KIF25: variants seen among roughly 807,000 people sequenced by gnomAD.
The protein encoded by KIF25 is kinesin-like protein KIF25.
Under a neutral mutation model 32.9 loss-of-function variants are expected in KIF25, and 19 were observed. The ratio of observed to expected loss-of-function variants is 0.58; its 90% CI spans 0.40 to 0.85. The LOEUF (loss-of-function observed/expected upper bound fraction) is 0.85, where lower values mean the gene tolerates loss of function less well. Ranked by LOEUF, KIF25 falls within the 40% of genes least tolerant of loss-of-function variation. The probability of loss-of-function intolerance (pLI) is 0.00; values close to 1 mark genes in which losing one functional copy is unlikely to be tolerated. For missense variants in KIF25, 485 were observed against 507.0 expected (o/e 0.96, Z 0.42); for synonymous variants, 225 against 213.7 (o/e 1.05, Z -0.46).
intron 7 of KIF25, among the ~76,000 whole-genome samples, chr6:168,032,849 T>A (rs1488642040): frequency 2.0e-5 from 3 of 152,198 alleles, no homozygotes; most frequent in Admixed American, 1.3e-4. Flanking sequence ...GGGCCGGAGA[T>A]CCTGCTCTGA....
intron 8 of KIF25, among the ~76,000 whole-genome samples, chr6:168,036,912 A>T (rs1275487898): frequency 1.3e-5 from 2 of 152,146 alleles, no homozygotes. Flanking sequence ...AAATACAAAA[A>T]TTAGCCTGGT....
chr6:168,015,804 C>T (rs1798704735), intron 4 of KIF25, among the ~76,000 whole-genome samples: 1 of 152,174 alleles, frequency 6.6e-6, no homozygotes, highest in Admixed American at 6.5e-5. Flanking sequence ...ATCGAACGAT[C>T]TCACTGTGGA....
At chr6:168,019,704 T>A (rs1583132917) in intron 5 of KIF25, among the ~76,000 whole-genome samples, 1 of 152,316 alleles carries the variant, frequency 6.6e-6, no homozygotes, top group Non-Finnish European at 1.5e-5. Context: ...TGTATTTTTT[T>A]ACCACAATTA....
intron 8 of KIF25, among the ~76,000 whole-genome samples, chr6:168,035,430 CGGCGCGGCGGAGGAGGCGGGAA>C: frequency 1.5e-4 from 1 of 6,804 alleles, no homozygotes; most frequent in Non-Finnish European, 3.4e-4. Flanking sequence ...GGGGCTGGAA[CGGCGCGGCGGAGGAGGCGGGAA>C]CGGCGCTGCG....
At chr6:168,005,315 G>T (rs756028339) in intron 4 of KIF25, among the ~76,000 whole-genome samples, 24 of 152,316 alleles carry the variant, frequency 1.6e-4, no homozygotes, top group Non-Finnish European at 1.9e-4. Context: ...CATCGGATTT[G>T]TTGAATGTGG....
intron 8 of KIF25, chr6:168,036,075 C>A (rs926128664): frequency 5.4e-5 from 11 of 203,028 alleles, no homozygotes; most frequent in Non-Finnish European, 1.0e-4. Context: ...AAAAGGACTA[C>A]TCTTAGATTG....
intron 4 of KIF25, among the ~76,000 whole-genome samples, chr6:168,007,410 T>C (rs1798593823): frequency 6.6e-6 from 1 of 152,012 alleles, no homozygotes; most frequent in Admixed American, 6.6e-5. Context: ...AGACTCCATC[T>C]CAAAACAAAA....
At chr6:168,030,420 C>CTCTCCCTCCCTCCCCCTCCT in intron 6 of KIF25, 2 of 139,742 alleles carry the variant, frequency 1.4e-5, no homozygotes, top group Non-Finnish European at 3.1e-5. Context: ...CTCTCTCTCT[C>CTCTCCCTCCCTCCCCCTCCT]CCTCCCTCCC....
chr6:168,023,832 G>A (rs569329646), intron 5 of KIF25, among the ~76,000 whole-genome samples: 5 of 152,308 alleles, frequency 3.3e-5, no homozygotes, highest in South Asian at 2.1e-4. Flanking sequence ...CATGTGTCGC[G>A]ATCTGGTGCT....
intron 5 of KIF25, among the ~76,000 whole-genome samples, chr6:168,022,115 A>G (rs572053359): frequency 9.2e-5 from 14 of 152,242 alleles, no homozygotes; most frequent in South Asian, 8.3e-4. Context: ...CCTTCTATCT[A>G]TATCCTTTTA....
At chr6:168,007,044 C>G (rs908359814) in intron 4 of KIF25, among the ~76,000 whole-genome samples, 1 of 152,132 alleles carries the variant, frequency 6.6e-6, no homozygotes, top group Non-Finnish European at 1.5e-5. Context: ...TGTATACATT[C>G]GACATCTACA....
chr6:168,032,614 G>C (rs561552609), intron 7 of KIF25, among the ~76,000 whole-genome samples: 11 of 152,272 alleles, frequency 7.2e-5, no homozygotes, highest in African/African-American at 2.6e-4. Context: ...CCCAGGACTG[G>C]GCTCTGCTGC....
chr6:168,023,370 C>T (rs1329924556), intron 5 of KIF25, among the ~76,000 whole-genome samples: 1 of 150,406 alleles, frequency 6.6e-6, no homozygotes. Flanking sequence ...TGGGTTCGAG[C>T]GATTCTCCTG....
At chr6:168,018,703 T>G (rs1747899706) in intron 5 of KIF25, among the ~76,000 whole-genome samples, 1 of 152,188 alleles carries the variant, frequency 6.6e-6, no homozygotes, top group African/African-American at 2.4e-5. Flanking sequence ...GCGCGTGGCC[T>G]TTGGAAAGCC....
chr6:168,011,908 G>T (rs1285742853), intron 4 of KIF25, among the ~76,000 whole-genome samples: 3 of 151,992 alleles, frequency 2.0e-5, no homozygotes, highest in Non-Finnish European at 4.4e-5. Context: ...TATTTCAAAA[G>T]ACCTGTCTTC....
chr6:168,021,807 C>T (rs1798791486), intron 5 of KIF25, among the ~76,000 whole-genome samples: 1 of 152,166 alleles, frequency 6.6e-6, no homozygotes, highest in Non-Finnish European at 1.5e-5. Context: ...TGCAATAAGC[C>T]ATTCTGGAAA....
intron 4 of KIF25, among the ~76,000 whole-genome samples, chr6:168,012,980 C>T (rs975335164): frequency 6.6e-6 from 1 of 151,268 alleles, no homozygotes; most frequent in Admixed American, 6.6e-5. Context: ...GTGAACTATG[C>T]GGCTGTTTCT....
At chr6:168,023,656 C>T (rs369316606) in intron 5 of KIF25, among the ~76,000 whole-genome samples, 25 of 152,332 alleles carry the variant, frequency 1.6e-4, no homozygotes, top group African/African-American at 6.0e-4. Context: ...TCCGCCTCAG[C>T]CTCCCAAGGG....
In KIF25 at chr6:168,034,456, G is replaced by A. The variant is rs138204999; in HGVS notation, c.317+425G>A. Among the ~76,000 whole-genome samples the A allele has an allele frequency of 2.9e-3, 438 of 152,146 alleles. 6 individuals carry two copies. The highest frequency in any genetic ancestry group is 2.6e-3 in the Non-Finnish European group (174 of 68,012). On this transcript the variant is annotated intron_variant, in intron 8 of 12. Transcript: ENST00000643607. ...GTATTTTTAGTAGAGACGGAGTTTCGCTGTGTTGGCCAGGCTGGTCTCAAA... is the reference window on the plus strand; with the variant it reads ...GTATTTTTAGTAGAGACGGAGTTTCACTGTGTTGGCCAGGCTGGTCTCAAA...
Sources: gnomAD v4.1 joint callset for allele counts (sites outside exome capture counted in the v4.1 genomes callset) on GRCh38, gnomAD v4.1.1 for gene constraint, MANE v1.5 for transcripts, NCBI Gene and HGNC (gene_info 2026-07-23, HGNC 2026-07-21) for gene names.